GAB2: variants seen among roughly 807,000 people sequenced by gnomAD.
GAB2 encodes the protein GRB2-associated-binding protein 2.
Under a neutral mutation model 65.5 loss-of-function variants are expected in GAB2, and 26 were observed. The ratio of observed to expected loss-of-function variants is 0.40; its 90% CI spans 0.29 to 0.55. The LOEUF is 0.55. Among genes scored for constraint, GAB2 ranks in the 20% least tolerant of loss-of-function variants. The pLI, the probability that GAB2 is intolerant of heterozygous loss-of-function variation, is 0.53. For synonymous variants in GAB2, 321 were observed against 329.6 expected, an observed-to-expected ratio of 0.97 and a Z score of 0.28; for missense variants, 884 against 875.8, an observed-to-expected ratio of 1.01 and a Z score of -0.12.
chr11:78,336,707 A>G (rs946401020), intron 1 of GAB2, among the ~76,000 whole-genome samples: 23 of 152,340 alleles, frequency 1.5e-4, no homozygotes, highest in African/African-American at 5.5e-4. Flanking sequence ...TACAGGTGCC[A>G]CAGCTGACAT....
Position 78,384,011 on chromosome 11 carries a change from T to G in GAB2, c.75+33635A>C, listed in dbSNP as rs990963599. 7.2e-5 allele frequency among the ~76,000 whole-genome samples: 11 copies of G among 152,206 alleles called. 1 individual carries two copies. In the East Asian group the frequency reaches 2.1e-3, roughly 29 times the overall value. On this transcript the variant is annotated intron_variant, in intron 1 of 9. Transcript: ENST00000361507. ...CAGCAGCGTGGCGACAGAGGCATAG[T>G]TGAGCAAAGAAAGAGGAAAGGGGCC...
chr11:78,355,980 C>T (rs538031584), intron 1 of GAB2, among the ~76,000 whole-genome samples: 1 of 152,014 alleles, frequency 6.6e-6, no homozygotes, highest in South Asian at 2.1e-4. Context: ...CAAGACCAGA[C>T]TGGCCAACAT....
chr11:78,252,635 A>T lies in GAB2; in HGVS notation c.377-2235T>A, dbSNP rs147984465. Among the ~76,000 whole-genome samples the T allele has an allele frequency of 5.3e-4, 80 of 151,754 alleles. No homozygotes were observed. The East Asian group carries it at 0.016, about 29-fold the overall frequency. On this transcript the variant is annotated intron_variant, in intron 2 of 9. Transcript: ENST00000361507. ...CTATAGCCTCTCTCTCCCGCTGAAG[A>T]CTCTCCAGCGGGTAATCCTGTCCAC...
At chr11:78,237,743 G>A (rs914240092) in intron 3 of GAB2, among the ~76,000 whole-genome samples, 1 of 152,224 alleles carries the variant, frequency 6.6e-6, no homozygotes, top group Non-Finnish European at 1.5e-5. Context: ...TCAGTATCAA[G>A]TGGTCTAGTG....
chr11:78,401,505 C>CCTGTGTGTGTGTGTGTGTGT (rs1555000328), intron 1 of GAB2, among the ~76,000 whole-genome samples: 1 of 124,936 alleles, frequency 8.0e-6, no homozygotes, highest in African/African-American at 3.0e-5. Flanking sequence ...GAACAGTATT[C>CCTGTGTGTGTGTGTGTGTGT]GTGTGTGTGT....
intron 3 of GAB2, among the ~76,000 whole-genome samples, chr11:78,233,656 G>A (rs1332615019): frequency 6.6e-6 from 1 of 152,112 alleles, no homozygotes; most frequent in Non-Finnish European, 1.5e-5. Flanking sequence ...GCCCAAGCTA[G>A]AGTGCAGTGG....
chr11:78,262,575 C>G (rs960734093), intron 2 of GAB2, among the ~76,000 whole-genome samples: 11 of 152,110 alleles, frequency 7.2e-5, no homozygotes, highest in Admixed American at 5.9e-4. Flanking sequence ...AGCTACAGAG[C>G]CTCGCAGGAC....
At chr11:78,324,915 A>G (rs1855795758) in intron 1 of GAB2, 1 of 152,206 alleles carries the variant, frequency 6.6e-6, no homozygotes, top group African/African-American at 2.4e-5. Context: ...GACAGCTTCT[A>G]TCAGCTCATA....
chr11:78,332,884 G>C (rs1050196991), intron 1 of GAB2, among the ~76,000 whole-genome samples: 1 of 152,238 alleles, frequency 6.6e-6, no homozygotes, highest in African/African-American at 2.4e-5. Context: ...TGAAGATATA[G>C]TTTTTGTTTT....
intron 1 of GAB2, among the ~76,000 whole-genome samples, chr11:78,309,978 G>GCA (rs1855461362): frequency 2.0e-5 from 3 of 150,856 alleles, no homozygotes; most frequent in Non-Finnish European, 3.0e-5. Context: ...GTGTGCGCGC[G>GCA]CGCCTGTGTG....
chr11:78,417,392 T>G (rs887726596), intron 1 of GAB2, among the ~76,000 whole-genome samples: 19 of 151,980 alleles, frequency 1.3e-4, no homozygotes, highest in East Asian at 1.2e-3. Flanking sequence ...CAGACCGGCT[T>G]GGGAGGCGCC....
chr11:78,225,243 T>TCAAC, intron 4 of GAB2, 41 bp from the exon 5 acceptor site: 7 of 1,345,724 alleles, frequency 5.2e-6, no homozygotes, highest in Non-Finnish European at 7.5e-6. Context: ...CATGGTTGAT[T>TCAAC]CATGTGTTGA....
intron 1 of GAB2, among the ~76,000 whole-genome samples, chr11:78,330,618 G>A (rs1056000211): frequency 2.0e-5 from 3 of 152,102 alleles, no homozygotes; most frequent in South Asian, 2.1e-4. Context: ...TGGAGAAAAG[G>A]CTTACTCTTA....
chr11:78,235,870 T>C (rs1864965968), intron 3 of GAB2, among the ~76,000 whole-genome samples: 1 of 152,256 alleles, frequency 6.6e-6, no homozygotes, highest in Non-Finnish European at 1.5e-5. Context: ...CCTCTGCCTG[T>C]TACCCAGTTC....
At position 78,365,856 on chromosome 11, in the gene GAB2, G is replaced by A. The variant is rs115525169; in HGVS notation, c.75+51790C>T. ...AGGTCCAAATTCCGCAGTCCAGAAT[G>A]ACAAGTCCTCCATAATTCTATCCCG... On this transcript the variant is annotated intron_variant, in intron 1 of 9. Transcript: ENST00000361507. 8.7e-3 allele frequency among the ~76,000 whole-genome samples: 1,330 copies of A among 152,278 alleles called. 19 individuals are homozygous for A. Among genetic ancestry groups the A allele is most frequent in the African/African-American group, 0.03 (1,262 of 41,554 alleles).
intron 1 of GAB2, among the ~76,000 whole-genome samples, chr11:78,289,764 A>G (rs531711042): frequency 2.7e-4 from 41 of 151,634 alleles, no homozygotes; most frequent in Non-Finnish European, 4.9e-4. Flanking sequence ...GAACACAAAC[A>G]ATGAGGAAGG....
At chr11:78,306,294 G>A (rs896451367) in intron 1 of GAB2, among the ~76,000 whole-genome samples, 4 of 151,894 alleles carry the variant, frequency 2.6e-5, no homozygotes, top group Non-Finnish European at 4.4e-5. Context: ...GCAGTGGTGC[G>A]CCCTTGGCTC....
chr11:78,311,307 C>A lies in GAB2; in HGVS notation c.76-30406G>T, dbSNP rs557253339. On this transcript the variant is annotated intron_variant, in intron 1 of 9. Transcript: ENST00000361507. The stretch of plus-strand genomic sequence containing the variant: ...CTTAAGAGCTGCATAAAAATGAGCT[C>A]TTTCATATACCTAAGCCTCAGTTTC... Among the ~76,000 whole-genome samples, 9 of 152,230 alleles carry A rather than the reference C, an allele frequency of 5.9e-5. No individual in the cohort carries two copies. The East Asian group carries it at 1.7e-3, about 29-fold the overall frequency.
chr11:78,346,658 C>G (rs1369816504), intron 1 of GAB2, among the ~76,000 whole-genome samples: 1 of 112,526 alleles, frequency 8.9e-6, no homozygotes, highest in Non-Finnish European at 1.7e-5. Flanking sequence ...ATGGGCTGTT[C>G]TGTTTACATC....
Sources: allele counts gnomAD v4.1 joint callset (sites outside exome capture counted in the v4.1 genomes callset), GRCh38; gene constraint gnomAD v4.1.1; transcripts MANE v1.5; gene names NCBI Gene and HGNC (gene_info 2026-07-23, HGNC 2026-07-21).